The following KIAA1210 variants were observed in gnomAD, a reference collection of about 807,000 sequenced individuals.
KIAA1210 encodes the protein KIAA1210, also known as acrosomal protein KIAA1210.
Under a neutral mutation model 78.9 loss-of-function variants are expected in KIAA1210, and 48 were observed. The observed-to-expected ratio is 0.61, with a 90% CI of 0.48 to 0.77. The LOEUF (loss-of-function observed/expected upper bound fraction) is 0.77. Among genes scored for constraint, KIAA1210 ranks in the 30% least tolerant of loss-of-function variants. The pLI, the probability that KIAA1210 is intolerant of heterozygous loss-of-function variation, is 0.00. For synonymous variants in KIAA1210, 406 were observed against 404.5 expected, an observed-to-expected ratio of 1.00 and a Z score of -0.04; for missense variants, 1,108 against 1,100.0, an observed-to-expected ratio of 1.01 and a Z score of -0.10.
chrX:119,086,564 G>T lies in KIAA1210; in HGVS notation c.4138C>A (p.Pro1380Thr), dbSNP rs755971136. Residue 1380 changes from proline (P) to threonine (T), a missense_variant, in exon 9 of 12, where the codon CCT becomes ACT. Coordinates refer to ENST00000691062, the MANE Select transcript of KIAA1210 (RefSeq NM_001394962.1). ...GCCTTACCTGGGGTCTTGCAAGCAG[G>T]TTGCTTCTTGGCCATGCTTTCAGAT... The part of the protein sequence containing the change: ...PKSESMAKKQ[P>T]ACKTPGKPAG... The T allele has an allele frequency of 8.3e-7, 1 of 1,203,229 alleles. No individual in the cohort carries two copies. The highest frequency in any genetic ancestry group is 3.0e-5 in the East Asian group (1 of 33,740).
At chrX:119,092,255 C>T (rs952752487) in intron 8 of KIAA1210, among the ~76,000 whole-genome samples, 1 of 111,523 alleles carries the variant, frequency 9.0e-6, no homozygotes, top group Admixed American at 9.5e-5. Context: ...TCACTTTGAT[C>T]CCCAGATGGA....
intron 6 of KIAA1210, among the ~76,000 whole-genome samples, chrX:119,104,610 A>T (rs1927831417): frequency 1.8e-5 from 2 of 111,789 alleles, no homozygotes; most frequent in Admixed American, 1.9e-4. Flanking sequence ...TCGCCCTCTC[A>T]CGTGTCAACT....
intron 7 of KIAA1210, among the ~76,000 whole-genome samples, chrX:119,094,418 G>A (rs756187630): frequency 1.8e-5 from 2 of 112,088 alleles, no homozygotes; most frequent in Non-Finnish European, 3.8e-5. Context: ...AACAGTGTCC[G>A]GAATTTGCTT....
chrX:119,125,735 A>ATATATATATATATATATT (rs5903546), intron 1 of KIAA1210, among the ~76,000 whole-genome samples: 2 of 15,804 alleles, frequency 1.3e-4, no homozygotes, highest in African/African-American at 2.6e-4. Flanking sequence ...ATATATATAT[A>ATATATATATATATATATT]TTTTTTTTTT....
chrX:119,142,774 CAAAA>C (rs11439597), intron 2 of KIAA1210, among the ~76,000 whole-genome samples: 1 of 38,801 alleles, frequency 2.6e-5, no homozygotes, highest in East Asian at 1.1e-3. Context: ...GACTCCATCT[CAAAA>C]AAAAAAAAAA....
intron 1 of KIAA1210, among the ~76,000 whole-genome samples, chrX:119,124,558 C>G (rs1211103768): frequency 8.9e-6 from 1 of 111,746 alleles, no homozygotes; most frequent in Non-Finnish European, 1.9e-5. Context: ...GATAAACACA[C>G]AGAGCCATAA....
chrX:119,107,212 T>C (rs1451818088), intron 5 of KIAA1210, among the ~76,000 whole-genome samples: 1 of 113,230 alleles, frequency 8.8e-6, no homozygotes, highest in Non-Finnish European at 1.9e-5. Flanking sequence ...CTTTAGGCTA[T>C]TGTGGCCTTC....
rs1439475639 is a variant in KIAA1210, at chrX:119,088,079, G to T, written c.2623C>A (p.Pro875Thr). Residue 875 changes from proline (P) to threonine (T), a missense_variant, in exon 9 of 12, where the codon CCC becomes ACC. This residue lies in a region of KIAA1210 where 179 missense variants were observed against 174.1 expected (regional missense o/e 1.03). Transcript: ENST00000691062. ...EEGTYVEPLP[P>T]RCLSQPSERP... ...TCCGAGGGCTGGGAAAGGCATCTGG[G>T]AGGCAGCGGTTCCACATAAGTGCCT... 5 of 1,209,448 alleles carry T rather than the reference G, an allele frequency of 4.1e-6. No homozygotes were observed. Among genetic ancestry groups the T allele is most frequent in the Non-Finnish European group, 5.6e-6 (5 of 894,878 alleles).
At chrX:119,093,083 T>C (rs2147174705) in intron 8 of KIAA1210, among the ~76,000 whole-genome samples, 1 of 112,032 alleles carries the variant, frequency 8.9e-6, no homozygotes, top group Admixed American at 9.5e-5. Context: ...AGAGAGATTT[T>C]CACTCTGGTG....
chrX:119,149,437 T>C lies in KIAA1210; in HGVS notation c.289+854A>G, dbSNP rs753753098. Reference sequence around the variant, plus strand: ...AGGGAGAAACTAGCTTTGTGCCGAATTGTCAGGGCCAAATGAACCCATGCA... The same window carrying C: ...AGGGAGAAACTAGCTTTGTGCCGAACTGTCAGGGCCAAATGAACCCATGCA... On this transcript the variant is annotated intron_variant, in intron 1 of 13. Transcript: ENST00000402510. Among the ~76,000 whole-genome samples the C allele has an allele frequency of 5.4e-5, 6 of 111,086 alleles. No homozygotes were observed. The East Asian group carries it at 1.4e-3, about 26-fold the overall frequency.
intron 1 of KIAA1210, among the ~76,000 whole-genome samples, chrX:119,124,406 T>C (rs1249129231): frequency 1.8e-5 from 2 of 112,392 alleles, no homozygotes; most frequent in Admixed American, 1.9e-4. Context: ...ACTTGTATAG[T>C]ATGTGAATTA....
chrX:119,104,891 TC>T (rs1927840487), intron 6 of KIAA1210, 100 bp downstream of exon 6: 1 of 769,256 alleles, frequency 1.3e-6, no homozygotes, highest in African/African-American at 2.2e-5. Context: ...TCCCCAATCA[TC>T]CCCCTAGTGT....
At chrX:119,118,858 G>A (rs954799603) in intron 2 of KIAA1210, among the ~76,000 whole-genome samples, 1 of 112,422 alleles carries the variant, frequency 8.9e-6, no homozygotes, top group Non-Finnish European at 1.9e-5. Flanking sequence ...GGGTATCCGT[G>A]AGAAAGAAAG....
chrX:119,140,788 G>A (rs1253434285), intron 2 of KIAA1210, among the ~76,000 whole-genome samples: 1 of 103,632 alleles, frequency 9.6e-6, no homozygotes, highest in African/African-American at 4.3e-5. Context: ...TCAAAAATAG[G>A]GCATGGCTGG....
rs1020763703 is a variant in KIAA1210 at position 119,079,549 on chromosome X, G to A, written c.*1780C>T. On this transcript the variant is annotated 3_prime_UTR_variant, in exon 12 of 12. Coordinates refer to ENST00000691062, the MANE Select transcript of KIAA1210 (RefSeq NM_001394962.1). ...CAGCCAATTAAGGAACTGGCTCTGG[G>A]GGTAAAGGTGCCTACATCTTCATCC... 41 of 111,872 alleles carry A rather than the reference G, an allele frequency of 3.7e-4. No individual in the cohort carries two copies. Among genetic ancestry groups the A allele is most frequent in the African/African-American group, 1.3e-3 (40 of 30,819 alleles). The allele number at this position is 111,872 out of a possible 1,213,427, so 9.2% of individuals were successfully genotyped here. A position where few individuals can be genotyped will look rare whatever the true frequency, so the allele number is the denominator to read the frequency against.
chrX:119,150,533 G>A lies in KIAA1210; in HGVS notation c.47C>T (p.Ser16Phe), dbSNP rs185114901. Residue 16 changes from serine to phenylalanine, a missense_variant, in exon 1 of 14, where the codon TCT (serine) becomes TTT (phenylalanine). Coordinates refer to the KIAA1210 transcript ENST00000402510. ...GTAGGGGTGCCGGCCAGGAAGGAGA[G>A]AAGCGTGAAAGGCAGAGAAGCCTCG... 2 of 1,208,810 alleles carry A rather than the reference G, an allele frequency of 1.7e-6. No homozygotes were observed. Among genetic ancestry groups the A allele is most frequent in the Non-Finnish European group, 2.2e-6 (2 of 894,998 alleles).
At chrX:119,105,660 G>A (rs943073017) in intron 5 of KIAA1210, among the ~76,000 whole-genome samples, 7 of 111,795 alleles carry the variant, frequency 6.3e-5, no homozygotes, top group African/African-American at 9.7e-5. Flanking sequence ...TCTTAATCAT[G>A]TCAATAATGA....
intron 3 of KIAA1210, among the ~76,000 whole-genome samples, chrX:119,116,064 G>C (rs189407920): frequency 8.9e-6 from 1 of 111,758 alleles, no homozygotes; most frequent in African/African-American, 3.3e-5. Flanking sequence ...TGGCTAGATC[G>C]GTAGTCTGAG....
intron 8 of KIAA1210, among the ~76,000 whole-genome samples, chrX:119,091,517 G>C (rs1569313732): frequency 8.9e-6 from 1 of 111,912 alleles, no homozygotes; most frequent in Non-Finnish European, 1.9e-5. Context: ...AAAATGTCAA[G>C]CACATGCTAG....
Sources: allele counts gnomAD v4.1 joint callset (sites outside exome capture counted in the v4.1 genomes callset), GRCh38; gene constraint gnomAD v4.1.1; regional missense constraint gnomAD v4.1.1; transcripts MANE v1.5; gene names NCBI Gene and HGNC (gene_info 2026-07-23, HGNC 2026-07-21).